NSUN6: variants seen among roughly 807,000 people sequenced by gnomAD.
NSUN6 encodes the protein tRNA (cytosine(72)-C(5))-methyltransferase NSUN6.
Under a neutral mutation model 58.0 loss-of-function variants are expected in NSUN6, and 64 were observed. The ratio of observed to expected loss-of-function variants is 1.10; its 90% CI spans 0.90 to 1.36. The LOEUF (loss-of-function observed/expected upper bound fraction) is 1.36, where lower values mean the gene tolerates loss of function less well. Among genes scored for constraint, NSUN6 ranks in the 40% most tolerant of loss-of-function variants. The probability of loss-of-function intolerance (pLI) is 0.00; values close to 1 mark genes in which losing one functional copy is unlikely to be tolerated. For missense variants in NSUN6, 701 were observed against 550.1 expected (o/e 1.27, Z -2.74); for synonymous variants, 231 against 193.9 (o/e 1.19, Z -1.59).
chr10:18,549,794 C>T (rs745889455), intron 9 of NSUN6, among the ~76,000 whole-genome samples: 1 of 152,110 alleles, frequency 6.6e-6, no homozygotes, highest in Non-Finnish European at 1.5e-5. Flanking sequence ...CATACTTGTG[C>T]TTTTTAAATC....
chr10:18,566,316 CATTCT>C (rs1457930644), intron 8 of NSUN6, among the ~76,000 whole-genome samples: 1 of 148,824 alleles, frequency 6.7e-6, no homozygotes, highest in African/African-American at 2.5e-5. Flanking sequence ...CATTCTTTTT[CATTCT>C]ATTCCATTCC....
At chr10:18,556,537 G>C (rs1375910642) in intron 8 of NSUN6, among the ~76,000 whole-genome samples, 3 of 150,868 alleles carry the variant, frequency 2.0e-5, no homozygotes, top group Admixed American at 2.0e-4. Flanking sequence ...GAATGCAGTG[G>C]TGAATAGAAT....
intron 3 of NSUN6, among the ~76,000 whole-genome samples, chr10:18,624,485 C>T (rs1263630612): frequency 6.6e-6 from 1 of 150,410 alleles, no homozygotes; most frequent in Admixed American, 6.7e-5. Context: ...ACCATCCTGG[C>T]TAAAAAAATA....
At chr10:18,589,654 A>G (rs1418575608) in intron 7 of NSUN6, among the ~76,000 whole-genome samples, 1 of 152,212 alleles carries the variant, frequency 6.6e-6, no homozygotes, top group Non-Finnish European at 1.5e-5. Context: ...CATCTAGCCA[A>G]ATTAAGCTCC....
chr10:18,557,742 C>G (rs1456800723), intron 8 of NSUN6, among the ~76,000 whole-genome samples: 1 of 121,348 alleles, frequency 8.2e-6, no homozygotes, highest in Non-Finnish European at 1.8e-5. Context: ...GGAGAATGAA[C>G]TGGAATGGAG....
chr10:18,564,866 C>T (rs2055807390), intron 8 of NSUN6, among the ~76,000 whole-genome samples: 1 of 150,946 alleles, frequency 6.6e-6, no homozygotes, highest in Non-Finnish European at 1.5e-5. Context: ...CTGTCCATTC[C>T]ATTCCAGTCT....
chr10:18,614,599 C>T lies in NSUN6; in HGVS notation c.436G>A (p.Asp146Asn). The change falls in exon 5 of 11, where the codon GAT (aspartate) becomes AAT (asparagine). Residue 146 changes from aspartate (D) to asparagine (N), a missense_variant. Transcript: ENST00000377304. ...VSASQFMKAG[D>N]VISVYSDIKG... The stretch of plus-strand genomic sequence containing the variant: ...ATATCAGAGTATACAGAAATAACAT[C>T]TCCAGCTTTCATAACTAGAGAAAGA... 2 of 1,418,784 alleles carry T rather than the reference C, an allele frequency of 1.4e-6. No individual in the cohort carries two copies. Among genetic ancestry groups the T allele is most frequent in the Non-Finnish European group, 1.9e-6 (2 of 1,056,014 alleles). 87.9% of individuals were successfully genotyped at this position (1,418,784 alleles called of 1,614,324 possible).
At chr10:18,635,318 T>A (rs999291683) in intron 3 of NSUN6, among the ~76,000 whole-genome samples, 13 of 152,116 alleles carry the variant, frequency 8.5e-5, no homozygotes, top group Admixed American at 2.6e-4. Flanking sequence ...GTAATAAACC[T>A]TAGCCATTAG....
At chr10:18,581,274 C>G (rs1386411842) in intron 8 of NSUN6, among the ~76,000 whole-genome samples, 1 of 152,058 alleles carries the variant, frequency 6.6e-6, no homozygotes, top group East Asian at 1.9e-4. Flanking sequence ...CAGGATGATA[C>G]AGAAGATCAG....
intron 7 of NSUN6, 76 bp downstream of exon 7, chr10:18,596,132 G>T: frequency 8.1e-7 from 1 of 1,235,272 alleles, no homozygotes. Context: ...ACTGTGAATG[G>T]CTCTATGTTT....
intron 8 of NSUN6, among the ~76,000 whole-genome samples, chr10:18,565,620 G>A (rs2055868844): frequency 7.1e-6 from 1 of 141,356 alleles, no homozygotes; most frequent in African/African-American, 2.6e-5. Context: ...TTCTCCATTT[G>A]TTACATTTTC....
intron 3 of NSUN6, among the ~76,000 whole-genome samples, chr10:18,638,881 A>C (rs191703345): frequency 4.0e-5 from 6 of 151,846 alleles, no homozygotes; most frequent in African/African-American, 1.2e-4. Flanking sequence ...ATAAGGACTG[A>C]AAGCAAGCAC....
In NSUN6 at chr10:18,584,941, T is replaced by C. The variant is rs114860780; in HGVS notation, c.922+1008A>G. ...CCAAGAATTTAATACTCAGTAAAAC[T>C]ATCTCTCAAAAATAAAGACCTATTT... On this transcript the variant is annotated intron_variant, in intron 8 of 10. Coordinates refer to ENST00000377304, the MANE Select transcript of NSUN6 (RefSeq NM_182543.5). Among the ~76,000 whole-genome samples, 721 of 146,682 alleles carry C rather than the reference T, an allele frequency of 4.9e-3. 6 individuals carry two copies. The highest frequency in any genetic ancestry group is 0.017 in the African/African-American group (685 of 39,930).
At chr10:18,621,492 A>G (rs1270997462) in intron 3 of NSUN6, among the ~76,000 whole-genome samples, 2 of 152,260 alleles carry the variant, frequency 1.3e-5, no homozygotes, top group Admixed American at 6.5e-5. Context: ...GCAAGTATCA[A>G]TATTTAAGTC....
At chr10:18,569,539 C>A (rs2056212671) in intron 8 of NSUN6, among the ~76,000 whole-genome samples, 1 of 147,604 alleles carries the variant, frequency 6.8e-6, no homozygotes, top group Non-Finnish European at 1.5e-5. Context: ...CATTCTTTTC[C>A]ATTTTCAAGT....
chr10:18,629,526 C>T (rs1345537751), intron 3 of NSUN6, among the ~76,000 whole-genome samples: 1 of 141,998 alleles, frequency 7.0e-6, no homozygotes, highest in Non-Finnish European at 1.5e-5. Context: ...TGTGCAGAGA[C>T]ACACATAGGC....
At chr10:18,548,505 A>AT (rs1323731956) in intron 9 of NSUN6, among the ~76,000 whole-genome samples, 2 of 152,138 alleles carry the variant, frequency 1.3e-5, no homozygotes, top group African/African-American at 4.8e-5. Context: ...TTTGGATACC[A>AT]TTTTTTATGC....
At chr10:18,575,253 A>G (rs956611448) in intron 8 of NSUN6, among the ~76,000 whole-genome samples, 1 of 152,202 alleles carries the variant, frequency 6.6e-6, no homozygotes, top group African/African-American at 2.4e-5. Flanking sequence ...TGCTTAGTAT[A>G]TAAGAAAACT....
chr10:18,619,794 G>A (rs997087910), intron 3 of NSUN6, among the ~76,000 whole-genome samples: 3 of 152,156 alleles, frequency 2.0e-5, no homozygotes, highest in East Asian at 3.8e-4. Flanking sequence ...GTCAGTTGAT[G>A]TAAGAAACAC....
Sources: gnomAD v4.1 joint callset for allele counts (sites outside exome capture counted in the v4.1 genomes callset) on GRCh38, gnomAD v4.1.1 for gene constraint, MANE v1.5 for transcripts, NCBI Gene and HGNC (gene_info 2026-07-23, HGNC 2026-07-21) for gene names.